PPM1H: variants seen among roughly 807,000 people sequenced by gnomAD.
The protein encoded by PPM1H is protein phosphatase 1H.
A neutral mutation model predicts 54.9 loss-of-function variants in PPM1H; 27 were observed. The observed-to-expected ratio is 0.49, with a 90% CI of 0.36 to 0.68. The LOEUF (loss-of-function observed/expected upper bound fraction) is 0.68, where lower values mean the gene tolerates loss of function less well. Ranked by LOEUF, PPM1H falls within the 30% of genes least tolerant of loss-of-function variation. The probability of loss-of-function intolerance (pLI) is 0.00; values close to 1 mark genes in which losing one functional copy is unlikely to be tolerated. For missense variants in PPM1H, 596 were observed against 667.8 expected (o/e 0.89, Z 1.19); for synonymous variants, 305 against 270.8 (o/e 1.13, Z -1.24).
intron 3 of PPM1H, among the ~76,000 whole-genome samples, chr12:62,790,709 G>A (rs1486049967): frequency 6.6e-6 from 1 of 152,158 alleles, no homozygotes; most frequent in East Asian, 1.9e-4. Flanking sequence ...CGGGGAGGAG[G>A]TAGGAATATG....
chr12:62,894,568 C>G (rs1870915894), intron 1 of PPM1H, among the ~76,000 whole-genome samples: 1 of 152,126 alleles, frequency 6.6e-6, no homozygotes, highest in African/African-American at 2.4e-5. Context: ...GTTCCGTGTC[C>G]TCATCTATAA....
chr12:62,918,266 T>C (rs1477172827), intron 1 of PPM1H, among the ~76,000 whole-genome samples: 1 of 152,218 alleles, frequency 6.6e-6, no homozygotes, highest in Non-Finnish European at 1.5e-5. Context: ...TACTCCTCTG[T>C]CATGCTGTGC....
chr12:62,919,406 T>C (rs1248332810), intron 1 of PPM1H, among the ~76,000 whole-genome samples: 1 of 151,588 alleles, frequency 6.6e-6, no homozygotes, highest in African/African-American at 2.4e-5. Flanking sequence ...AAATAGGAGA[T>C]CTAACCTGTT....
chr12:62,861,832 C>T (rs1565812736), intron 1 of PPM1H, among the ~76,000 whole-genome samples: 1 of 152,204 alleles, frequency 6.6e-6, no homozygotes, highest in Non-Finnish European at 1.5e-5. Context: ...AGCTTGTACA[C>T]AGCTCCAGCT....
chr12:62,784,527 G>GT (rs1274036523), intron 4 of PPM1H, among the ~76,000 whole-genome samples: 12 of 152,014 alleles, frequency 7.9e-5, no homozygotes, highest in African/African-American at 2.9e-4. Flanking sequence ...CTGTCAAGAT[G>GT]TAAAAAAAAA....
At chr12:62,783,708 C>T (rs1050584215) in intron 4 of PPM1H, among the ~76,000 whole-genome samples, 3 of 152,228 alleles carry the variant, frequency 2.0e-5, no homozygotes, top group African/African-American at 7.2e-5. Context: ...GTGCCTTGCA[C>T]TTATTAGCTA....
chr12:62,934,594 C>T lies in PPM1H; in HGVS notation c.143G>A (p.Gly48Glu). Residue 48 changes from glycine to glutamate, a missense_variant, in exon 1 of 10, where the codon GGG (glycine) becomes GAG (glutamate). By Grantham distance (98) the Gly-to-Glu change is moderately conservative (BLOSUM62 -2). Around this residue, in one of 3 missense-constraint regions of PPM1H, gnomAD observed 382 missense variants for 387.1 expected, o/e 0.99. Coordinates refer to ENST00000228705, the MANE Select transcript of PPM1H (RefSeq NM_020700.2). The surrounding 1 kb of genome is among the most constrained non-coding windows in gnomAD (Gnocchi z 4.2). ...RFPYGRPEFL[G>E]LSQDEVECSA... ...GCACTCCACCTCGTCCTGAGACAGC[C>T]CCAGGAACTCTGGCCGCCCGTAGGG... The T allele has an allele frequency of 6.4e-7, 1 of 1,571,446 alleles. No individual in the cohort carries two copies. Among genetic ancestry groups the T allele is most frequent in the Non-Finnish European group, 8.6e-7 (1 of 1,159,444 alleles).
intron 1 of PPM1H, among the ~76,000 whole-genome samples, chr12:62,911,508 T>C (rs1331496011): frequency 6.6e-6 from 1 of 152,234 alleles, no homozygotes; most frequent in African/African-American, 2.4e-5. Context: ...CAAGTCCGTT[T>C]GGAGATCTTA....
intron 1 of PPM1H, among the ~76,000 whole-genome samples, chr12:62,907,308 C>T (rs1313426800): frequency 2.6e-5 from 4 of 152,142 alleles, no homozygotes; most frequent in Middle Eastern, 3.2e-3. Context: ...TTCATCATCA[C>T]GAGTCTTGGG....
At chr12:62,882,590 G>A (rs910355019) in intron 1 of PPM1H, among the ~76,000 whole-genome samples, 1 of 152,212 alleles carries the variant, frequency 6.6e-6, no homozygotes, top group Non-Finnish European at 1.5e-5. Flanking sequence ...CCCTTTCGTT[G>A]CAAGGACAAA....
At chr12:62,763,669 T>C (rs2076524096) in intron 4 of PPM1H, among the ~76,000 whole-genome samples, 1 of 152,226 alleles carries the variant, frequency 6.6e-6, no homozygotes, top group African/African-American at 2.4e-5. Flanking sequence ...TCATTAAACA[T>C]TTACTAGAGG....
chr12:62,670,269 G>A (rs924326364), intron 8 of PPM1H, among the ~76,000 whole-genome samples: 1 of 152,064 alleles, frequency 6.6e-6, no homozygotes, highest in Non-Finnish European at 1.5e-5. Flanking sequence ...GAGCCACCGC[G>A]CCTGGCCGAT....
At chr12:62,744,166 TA>T (rs549496108) in intron 4 of PPM1H, among the ~76,000 whole-genome samples, 60,014 of 129,174 alleles carry the variant, frequency 0.46, 13,223 homozygotes, top group East Asian at 0.6. Context: ...TATACAGTCA[TA>T]AAAAAAAAAA....
chr12:62,719,921 GA>G (rs1210862770), intron 6 of PPM1H, among the ~76,000 whole-genome samples: 1 of 152,172 alleles, frequency 6.6e-6, no homozygotes, highest in Admixed American at 6.5e-5. Flanking sequence ...TGTGAAGTGA[GA>G]AATCAGGTCA....
At chr12:62,797,894 C>A (rs2076745227) in intron 3 of PPM1H, among the ~76,000 whole-genome samples, 1 of 152,156 alleles carries the variant, frequency 6.6e-6, no homozygotes, top group Admixed American at 6.5e-5. Flanking sequence ...AAGGTCACAT[C>A]TGAGAGTGAA....
chr12:62,759,366 T>C (rs2076493498), intron 4 of PPM1H, among the ~76,000 whole-genome samples: 1 of 152,218 alleles, frequency 6.6e-6, no homozygotes, highest in Non-Finnish European at 1.5e-5. Context: ...CGGTCTATTT[T>C]TACTCTCTTC....
At chr12:62,793,182 T>C (rs1321319559) in intron 3 of PPM1H, among the ~76,000 whole-genome samples, 3 of 152,146 alleles carry the variant, frequency 2.0e-5, no homozygotes, top group African/African-American at 7.2e-5. Flanking sequence ...CATTCAAGTA[T>C]GGTCTAAAAG....
At chr12:62,829,958 C>G (rs1868332331) in intron 2 of PPM1H, among the ~76,000 whole-genome samples, 1 of 152,198 alleles carries the variant, frequency 6.6e-6, no homozygotes, top group Non-Finnish European at 1.5e-5. Flanking sequence ...TGATCATGAA[C>G]ACTTCACGCT....
chr12:62,913,920 G>T, intron 1 of PPM1H, among the ~76,000 whole-genome samples: 1 of 152,176 alleles, frequency 6.6e-6, no homozygotes, highest in Non-Finnish European at 1.5e-5. Flanking sequence ...GGCTGGTCTC[G>T]AACTTCTGAC....
Sources: gnomAD v4.1 joint callset for allele counts (sites outside exome capture counted in the v4.1 genomes callset) on GRCh38, gnomAD v4.1.1 for gene constraint, gnomAD v4.1.1 regional missense constraint, Gnocchi (gnomAD v3.1) non-coding constraint, MANE v1.5 for transcripts, NCBI Gene and HGNC (gene_info 2026-07-23, HGNC 2026-07-21) for gene names.